SHISAL1: variants seen among roughly 807,000 people sequenced by gnomAD.
SHISAL1 encodes the protein protein shisa-like-1.
SHISAL1 carries 9 observed loss-of-function variants against 22.6 expected under a neutral mutation model. That is an observed-to-expected ratio of 0.40 (90% CI 0.24 to 0.70). The LOEUF is 0.70. SHISAL1 is among the 30% of genes least tolerant of loss of function. SHISAL1 has a pLI of 0.39. For synonymous variants in SHISAL1, 119 were observed against 115.4 expected, an observed-to-expected ratio of 1.03 and a Z score of -0.20; for missense variants, 246 against 270.6, an observed-to-expected ratio of 0.91 and a Z score of 0.64.
intron 4 of SHISAL1, among the ~76,000 whole-genome samples, chr22:44,275,303 C>T (rs2055232026): frequency 6.6e-6 from 1 of 152,184 alleles, no homozygotes. Flanking sequence ...GCAAACAAAA[C>T]CAACCACGCA....
chr22:44,317,869 C>T (rs75433068), upstream of SHISAL1, among the ~76,000 whole-genome samples: 1,509 of 152,366 alleles, frequency 9.9e-3, 27 homozygotes, highest in African/African-American at 0.035. Context: ...GAGATCTGTT[C>T]TGATACTGAG....
intron 4 of SHISAL1, among the ~76,000 whole-genome samples, chr22:44,276,870 T>C (rs1323472881): frequency 6.6e-6 from 1 of 151,746 alleles, no homozygotes; most frequent in East Asian, 1.9e-4. Context: ...GAGGAGCGCT[T>C]GTGTCTAAGA....
intron 3 of SHISAL1, among the ~76,000 whole-genome samples, chr22:44,295,176 A>G (rs962103143): frequency 2.0e-5 from 3 of 152,194 alleles, no homozygotes; most frequent in African/African-American, 7.2e-5. Context: ...GTGAGGCACT[A>G]GTGTATAGCC....
Position 44,270,148 on chromosome 22 carries a change from G to A in SHISAL1, c.599+15280C>T, listed in dbSNP as rs138093287. ...GCCTCTCGCCAAAACCCCACCTGAC[G>A]AAGTCTCCACACTTCGCTGGCTCCA... On this transcript the variant is annotated intron_variant, in intron 4 of 4. Coordinates refer to ENST00000381176, the MANE Select transcript of SHISAL1 (RefSeq NM_001099294.2). Among the ~76,000 whole-genome samples the A allele has an allele frequency of 9.3e-4, 142 of 152,294 alleles. 5 individuals carry two copies. In the East Asian group the frequency reaches 0.021, roughly 23 times the overall value.
chr22:44,273,990 G>A (rs1428699221), intron 4 of SHISAL1, among the ~76,000 whole-genome samples: 1 of 152,160 alleles, frequency 6.6e-6, no homozygotes, highest in African/African-American at 2.4e-5. Flanking sequence ...GGCTGAGGCA[G>A]GTGGATTGCT....
At chr22:44,279,701 G>C (rs770749380) in intron 4 of SHISAL1, among the ~76,000 whole-genome samples, 1 of 152,158 alleles carries the variant, frequency 6.6e-6, no homozygotes, top group Non-Finnish European at 1.5e-5. Flanking sequence ...ACATCCCCCC[G>C]CCCCTGCTGG....
intron 3 of SHISAL1, among the ~76,000 whole-genome samples, chr22:44,296,068 G>A (rs1205550140): frequency 6.6e-6 from 1 of 152,198 alleles, no homozygotes; most frequent in Non-Finnish European, 1.5e-5. Flanking sequence ...CGCCTTCTAC[G>A]CCTGAAAGCT....
At position 44,247,744 on chromosome 22, in the gene SHISAL1, A is replaced by G. The variant is rs6519831; in HGVS notation, c.*1941T>C. 115,937 of 152,298 alleles carry G rather than the reference A, an allele frequency of 0.76. 44,273 individuals are homozygous for G. Among genetic ancestry groups the G allele is most frequent in the Non-Finnish European group, 0.78 (52,806 of 68,124 alleles). 9.4% of individuals were successfully genotyped at this position (152,298 alleles called of 1,614,324 possible). On this transcript the variant is annotated 3_prime_UTR_variant, in exon 5 of 5. Coordinates refer to ENST00000381176, the MANE Select transcript of SHISAL1 (RefSeq NM_001099294.2). ...CCAGGCAGAATGGAGGATGCTTTAT[A>G]CCCTAGCAAGTTTGTTCTGCTTTTC...
chr22:44,318,975 C>T, the SHISAL1 span, among the ~76,000 whole-genome samples: 1 of 152,228 alleles, frequency 6.6e-6, no homozygotes, highest in Admixed American at 6.5e-5. Context: ...CCACAAGTCC[C>T]CAGCGTGGCT....
chr22:44,321,655 G>A, the SHISAL1 span, among the ~76,000 whole-genome samples: 4 of 152,280 alleles, frequency 2.6e-5, no homozygotes, highest in Middle Eastern at 3.4e-3. Context: ...GACATGCACC[G>A]GACAAGTGGC....
Position 44,248,236 on chromosome 22 carries a change from T to C in SHISAL1, c.*1449A>G, listed in dbSNP as rs1426509815. 2 of 148,476 alleles carry C rather than the reference T, an allele frequency of 1.3e-5. No individual in the cohort carries two copies. The highest frequency in any genetic ancestry group is 2.9e-5 in the Non-Finnish European group (2 of 68,010). The allele number at this position is 148,476 out of a possible 1,614,324, so 9.2% of individuals were successfully genotyped here. A position where few individuals can be genotyped will look rare whatever the true frequency, so the allele number is the denominator to read the frequency against. On this transcript the variant is annotated 3_prime_UTR_variant, in exon 5 of 5. Coordinates refer to ENST00000381176, the MANE Select transcript of SHISAL1 (RefSeq NM_001099294.2). ...GACCTGCCTTGCTCACTGTCGTGTC[T>C]GGTGAATGGATGGGTGGTCAGTGTG...
chr22:44,250,135 G>A (rs2055037408), intron 4 of SHISAL1, among the ~76,000 whole-genome samples: 3 of 152,146 alleles, frequency 2.0e-5, no homozygotes. Context: ...CATGGCTTGG[G>A]ACAGTCTCAG....
intron 4 of SHISAL1, among the ~76,000 whole-genome samples, chr22:44,269,340 ACAC>A (rs1689547236): frequency 6.7e-6 from 1 of 148,530 alleles, no homozygotes. Flanking sequence ...ACACATACAC[ACAC>A]CATGTCACAC....
At chr22:44,302,339 CAAAAA>C (rs35335428) in intron 1 of SHISAL1, among the ~76,000 whole-genome samples, 1 of 97,984 alleles carries the variant, frequency 1.0e-5, no homozygotes, top group Non-Finnish European at 2.0e-5. Flanking sequence ...GACTCCGTCT[CAAAAA>C]AAAAAAAAAA....
In SHISAL1 at chr22:44,300,074, C is replaced by T. The variant is rs143520950; in HGVS notation, c.67+805G>A. ...AGAGACAGAGACAGACACAGAGACACAGAAAGACAGACAGAGACAGACACA... is the reference window on the plus strand; with the variant it reads ...AGAGACAGAGACAGACACAGAGACATAGAAAGACAGACAGAGACAGACACA... On this transcript the variant is annotated intron_variant, in intron 2 of 4. Transcript: ENST00000381176. Among the ~76,000 whole-genome samples the T allele has an allele frequency of 9.3e-4, 138 of 147,616 alleles. 1 individual carries two copies. In the East Asian group the frequency reaches 0.026, roughly 28 times the overall value.
intron 4 of SHISAL1, among the ~76,000 whole-genome samples, chr22:44,276,064 G>GCACAAAGC (rs1346393222): frequency 1.3e-5 from 2 of 152,200 alleles, no homozygotes; most frequent in Non-Finnish European, 2.9e-5. Context: ...GAGGAGACAG[G>GCACAAAGC]CACAAAGCCA....
At chr22:44,302,689 G>A (rs2055440524) in intron 1 of SHISAL1, among the ~76,000 whole-genome samples, 1 of 101,128 alleles carries the variant, frequency 9.9e-6, no homozygotes, top group African/African-American at 4.0e-5. Flanking sequence ...GTGCGGTGAG[G>A]AGGCAGCAGG....
chr22:44,249,512 C>G lies in SHISAL1; in HGVS notation c.*173G>C. The stretch of plus-strand genomic sequence containing the variant: ...CCCAGCCCCTACCCCTGAGTTTGCT[C>G]CTAATCTTAGAAGTCCGCGGAAGGG... On this transcript the variant is annotated 3_prime_UTR_variant, in exon 5 of 5. Transcript: ENST00000381176. The G allele has an allele frequency of 1.9e-6, 1 of 539,382 alleles. No homozygotes were observed. The highest frequency in any genetic ancestry group is 3.1e-5 in the East Asian group (1 of 31,932). The allele number at this position is 539,382 out of a possible 1,614,324, so 33.4% of individuals were successfully genotyped here.
At chr22:44,258,607 A>C (rs2055100547) in intron 4 of SHISAL1, among the ~76,000 whole-genome samples, 1 of 152,132 alleles carries the variant, frequency 6.6e-6, no homozygotes, top group African/African-American at 2.4e-5. Context: ...GCTAAGGATA[A>C]TGGCCTCCAG....
Sources: allele counts gnomAD v4.1 joint callset (sites outside exome capture counted in the v4.1 genomes callset), GRCh38; gene constraint gnomAD v4.1.1; transcripts MANE v1.5; gene names NCBI Gene and HGNC (gene_info 2026-07-23, HGNC 2026-07-21).